Variants in IPPK observed in about 807,000 individuals in gnomAD.
IPPK encodes the protein IPK1 homolog.
IPPK carries 22 observed loss-of-function variants against 64.6 expected under a neutral mutation model. That is an observed-to-expected ratio of 0.34 (90% CI 0.24 to 0.49). The LOEUF (loss-of-function observed/expected upper bound fraction) is 0.49. Among genes scored for constraint, IPPK ranks in the 20% least tolerant of loss-of-function variants. The probability of loss-of-function intolerance (pLI) is 0.99; values close to 1 mark genes in which losing one functional copy is unlikely to be tolerated. For missense variants in IPPK, 532 were observed against 630.7 expected, an observed-to-expected ratio of 0.84 and a Z score of 1.68; for synonymous variants, 262 against 247.2, an observed-to-expected ratio of 1.06 and a Z score of -0.56.
intron 8 of IPPK, among the ~76,000 whole-genome samples, chr9:92,639,685 T>G (rs1852010122): frequency 6.6e-6 from 1 of 152,184 alleles, no homozygotes; most frequent in Non-Finnish European, 1.5e-5. Context: ...AACAAATCCC[T>G]GATGAAACAG....
intron 6 of IPPK, 125 bp from the exon 7 acceptor site, chr9:92,642,935 A>G: frequency 2.5e-6 from 2 of 790,680 alleles, no homozygotes; most frequent in Non-Finnish European, 4.4e-6. Context: ...TGCCCCGGAA[A>G]AGGTGCCACC....
chr9:92,635,247 C>T lies in IPPK; in HGVS notation c.978G>A (p.Gln326=). Residue 326 remains glutamine, a synonymous_variant, in exon 10 of 13, where the codon CAG becomes CAA. Coordinates refer to ENST00000287996, the MANE Select transcript of IPPK (RefSeq NM_022755.6). This position sits in a 1 kb window ranked among gnomAD's most constrained non-coding sequence, Gnocchi z 4.4. The part of the protein sequence containing the change: ...PKGCLLYKTL[Q]VQMLDLLDIE... ...TGTCCAGCAGGTCCAACATCTGCAC[C>T]TGGAGGGTTTTGTACAGAAGACAGC... is the stretch of plus-strand genomic sequence containing the variant. 1 of 1,614,192 alleles carries T rather than the reference C, an allele frequency of 6.2e-7. No homozygotes were observed. The highest frequency in any genetic ancestry group is 8.5e-7 in the Non-Finnish European group (1 of 1,180,026).
At chr9:92,650,524 T>A (rs1564037547) in intron 4 of IPPK, among the ~76,000 whole-genome samples, 1 of 151,734 alleles carries the variant, frequency 6.6e-6, no homozygotes, top group Non-Finnish European at 1.5e-5. Flanking sequence ...GTGGGCACAC[T>A]CCATATGGGA....
Position 92,615,912 on chromosome 9 carries a change from C to G in IPPK, c.1396G>C (p.Val466Leu). 6.2e-7 allele frequency: 1 copy of G among 1,614,182 alleles called. No homozygotes were observed. Among genetic ancestry groups the G allele is most frequent in the Non-Finnish European group, 8.5e-7 (1 of 1,180,040 alleles). The part of the protein sequence containing the change: ...GKIVNYYSKT[V>L]RAKDNAVMST... ...ATCACGGCGTTGTCTTTGGCACGTACAGTCTTTGAATAATAGTTGACGATC... is the reference window on the plus strand; with the variant it reads ...ATCACGGCGTTGTCTTTGGCACGTAGAGTCTTTGAATAATAGTTGACGATC... Residue 466 changes from valine to leucine, a missense_variant, in exon 13 of 13, where the codon GTA becomes CTA. Physicochemically the swap from Val to Leu is conservative, Grantham distance 32. Transcript: ENST00000287996.
chr9:92,619,595 T>C (rs773073561), intron 11 of IPPK, 30 bp from the exon 12 acceptor site: 1 of 1,551,586 alleles, frequency 6.4e-7, no homozygotes, highest in South Asian at 1.2e-5. Flanking sequence ...CAGCTCCAGG[T>C]CACACAGGAA....
At chr9:92,644,918 C>T (rs1852121590) in intron 6 of IPPK, among the ~76,000 whole-genome samples, 1 of 152,114 alleles carries the variant, frequency 6.6e-6, no homozygotes, top group Admixed American at 6.5e-5. Context: ...AAAGCAATCA[C>T]TAGACTGCCC....
At chr9:92,644,586 C>G (rs568867167) in intron 6 of IPPK, among the ~76,000 whole-genome samples, 71 of 152,318 alleles carry the variant, frequency 4.7e-4, no homozygotes, top group African/African-American at 1.6e-3. Context: ...GGCCTTTTCC[C>G]CATGGGCATT....
intron 5 of IPPK, 94 bp downstream of exon 5, chr9:92,649,359 T>C (rs1852211081): frequency 2.0e-6 from 3 of 1,468,848 alleles, no homozygotes; most frequent in South Asian, 2.5e-5. Flanking sequence ...CTCACTTCAG[T>C]GGGAACTGGA....
chr9:92,637,970 C>A (rs746049809), intron 9 of IPPK, 31 bp downstream of exon 9: 1 of 1,500,298 alleles, frequency 6.7e-7, no homozygotes, highest in South Asian at 1.3e-5. Context: ...CTGCGGCCCC[C>A]ACCGCCTACC....
At chr9:92,626,287 C>T (rs1198734331) in intron 11 of IPPK, among the ~76,000 whole-genome samples, 5 of 152,136 alleles carry the variant, frequency 3.3e-5, no homozygotes, top group African/African-American at 1.2e-4. Flanking sequence ...GTCCCAGCTA[C>T]TCGGGAGGCT....
rs1851929621 is a variant in IPPK at position 92,635,710 on chromosome 9, C to T, written c.917-402G>A. ...TCAGGTCACAAAATTTCTTCTTTTT[C>T]TTTTCTTTTTTTTTTTTGAGACAGA... On this transcript the variant is annotated intron_variant, in intron 9 of 12. Coordinates refer to ENST00000287996, the MANE Select transcript of IPPK (RefSeq NM_022755.6). The surrounding 1 kb of genome is among the most constrained non-coding windows in gnomAD (Gnocchi z 4.4). 6.6e-6 allele frequency among the ~76,000 whole-genome samples: 1 copy of T among 151,624 alleles called. No homozygotes were observed.
At chr9:92,627,957 T>C (rs1851764525) in intron 11 of IPPK, among the ~76,000 whole-genome samples, 1 of 152,104 alleles carries the variant, frequency 6.6e-6, no homozygotes, top group African/African-American at 2.4e-5. Flanking sequence ...AAAAATCCAC[T>C]AAAAAACTAT....
chr9:92,619,520 T>C lies in IPPK; in HGVS notation c.1216A>G (p.Met406Val), dbSNP rs201365735. Residue 406 changes from methionine (M) to valine (V), a missense_variant, in exon 12 of 13, where the codon ATG becomes GTG. Met to Val is a conservative substitution (Grantham distance 21, BLOSUM62 1). Transcript: ENST00000287996. ...VAMTAKDCSI[M>V]IALSPCLQDA... ...TGCAGACAGGGAGACAGTGCAATCA[T>C]GATGGAGCAGTCCTTGGCAGTCATG... is the stretch of plus-strand genomic sequence containing the variant. The C allele has an allele frequency of 4.0e-4, 637 of 1,593,586 alleles. No homozygotes were observed. The highest frequency in any genetic ancestry group is 5.0e-4 in the Non-Finnish European group (587 of 1,170,574).
In IPPK at chr9:92,656,522, C is replaced by T; in HGVS notation, c.159G>A (p.Gln53=). The T allele has an allele frequency of 6.2e-7, 1 of 1,613,568 alleles. No homozygotes were observed. The highest frequency in any genetic ancestry group is 8.5e-7 in the Non-Finnish European group (1 of 1,179,460). ...KTSEEIFQHL[Q]NIVDFGKNVM... ...CATTTTTCCCAAAGTCCACTATGTTCTGCAGGTGTTGAAATATCTCTTCCG... is the reference window on the plus strand; with the variant it reads ...CATTTTTCCCAAAGTCCACTATGTTTTGCAGGTGTTGAAATATCTCTTCCG... The change falls in exon 3 of 13, where the codon CAG becomes CAA. Residue 53 remains glutamine (Q), a synonymous_variant. Coordinates refer to ENST00000287996, the MANE Select transcript of IPPK (RefSeq NM_022755.6).
At chr9:92,660,680 ACCCCCCTCC>A (rs1032484315) in intron 1 of IPPK, among the ~76,000 whole-genome samples, 1 of 150,084 alleles carries the variant, frequency 6.7e-6, no homozygotes, top group Non-Finnish European at 1.5e-5. Flanking sequence ...AGAACACAGG[ACCCCCCTCC>A]CCTGGCAGCA....
At chr9:92,630,399 G>T (rs1048322453) in intron 11 of IPPK, among the ~76,000 whole-genome samples, 1 of 152,162 alleles carries the variant, frequency 6.6e-6, no homozygotes, top group East Asian at 1.9e-4. Flanking sequence ...ACAATGGGAC[G>T]ATAGCTAAAG....
intron 4 of IPPK, 121 bp from the exon 5 acceptor site, chr9:92,649,695 C>A: frequency 8.6e-7 from 1 of 1,162,164 alleles, no homozygotes; most frequent in Non-Finnish European, 1.2e-6. Flanking sequence ...CTGATGAAAA[C>A]CTCATGTCTC....
At chr9:92,626,140 G>A (rs1486319737) in intron 11 of IPPK, among the ~76,000 whole-genome samples, 1 of 152,192 alleles carries the variant, frequency 6.6e-6, no homozygotes, top group African/African-American at 2.4e-5. Flanking sequence ...GCTCACGCCT[G>A]TAATCCCAGC....
rs761034861 is a variant in IPPK, at chr9:92,634,482, G to A, written c.1074C>T (p.Thr358=). The change falls in exon 11 of 13, where the codon ACC becomes ACT. Residue 358 remains threonine (T), a synonymous_variant. Coordinates refer to ENST00000287996, the MANE Select transcript of IPPK (RefSeq NM_022755.6). ...CATCATAAGGCCCATCTATTTGTAA[G>A]GTTTTTCTGAAGAAGAAAGCACAAT... ...YLEEFPEERK[T]LQIDGPYDEA... The A allele has an allele frequency of 1.2e-6, 2 of 1,612,702 alleles. No homozygotes were observed. The highest frequency in any genetic ancestry group is 3.3e-5 in the Admixed American group (2 of 60,010).
Sources: allele counts gnomAD v4.1 joint callset (sites outside exome capture counted in the v4.1 genomes callset), GRCh38; gene constraint gnomAD v4.1.1; non-coding constraint Gnocchi (gnomAD v3.1); transcripts MANE v1.5; gene names NCBI Gene and HGNC (gene_info 2026-07-23, HGNC 2026-07-21).